The following MAGEB1 variants were observed in gnomAD, a reference collection of about 807,000 sequenced individuals.
MAGEB1 encodes MAGE family member B1.
For missense variants in MAGEB1, 290 were observed against 286.7 expected, an observed-to-expected ratio of 1.01 and a Z score of -0.08; for synonymous variants, 99 against 105.7, an observed-to-expected ratio of 0.94 and a Z score of 0.39.
Position 30,251,716 on chromosome X carries a change from T to C in MAGEB1, c.*179T>C. On this transcript the variant is annotated 3_prime_UTR_variant, in exon 2 of 2. Coordinates refer to ENST00000397548, the MANE Select transcript of MAGEB1 (RefSeq NM_177404.3). ...AATGTTTATTTAGAGTTGGGATCTA[T>C]GTCTATGAGCGACATGGATCACACA... 2.3e-6 allele frequency: 1 copy of C among 430,157 alleles called. No homozygotes were observed. The highest frequency in any genetic ancestry group is 4.0e-6 in the Non-Finnish European group (1 of 249,649). The allele number at this position is 430,157 out of a possible 1,213,427, so 35.4% of individuals were successfully genotyped here.
At chrX:30,249,276 G>C (rs1013418058) in intron 1 of MAGEB1, among the ~76,000 whole-genome samples, 9 of 111,210 alleles carry the variant, frequency 8.1e-5, no homozygotes, top group African/African-American at 2.9e-4. Flanking sequence ...GGGACTATGA[G>C]GCAATGAGAA....
chrX:30,245,325 T>TA (rs1450831678), upstream of MAGEB1, among the ~76,000 whole-genome samples: 1 of 112,381 alleles, frequency 8.9e-6, no homozygotes, highest in Admixed American at 9.4e-5. Flanking sequence ...GTAGTTGAAA[T>TA]AATCTTAGTA....
chrX:30,247,031 C>T (rs1925331813), upstream of MAGEB1: 2 of 111,533 alleles, frequency 1.8e-5, no homozygotes, highest in African/African-American at 6.5e-5. Flanking sequence ...CTGCTAGATA[C>T]TAAGGTGAGG....
chrX:30,248,844 C>G (rs1267971154), intron 1 of MAGEB1, among the ~76,000 whole-genome samples: 1 of 111,903 alleles, frequency 8.9e-6, no homozygotes, highest in Non-Finnish European at 1.9e-5. Context: ...GGAATTCCTT[C>G]CTGATTTTCA....
At position 30,251,533 on chromosome X, in the gene MAGEB1, T is replaced by C. The variant is rs752029457; in HGVS notation, c.1040T>C (p.Met347Thr). The stretch of plus-strand genomic sequence containing the variant: ...CCATTCAGCAGGTCCTCCCACCCCA[T>C]GTGAGAACTCAGGCAGATTGTTCAC... Reference protein sequence around the residue: ...RAPFSRSSHPM With the variant: ...RAPFSRSSHPT The change falls in exon 2 of 2, where the codon ATG becomes ACG. Residue 347 changes from methionine to threonine, a missense_variant. Met to Thr is a moderately conservative substitution (Grantham distance 81). Coordinates refer to ENST00000397548, the MANE Select transcript of MAGEB1 (RefSeq NM_177404.3). The C allele has an allele frequency of 2.4e-5, 29 of 1,196,939 alleles. No individual in the cohort carries two copies. In the Admixed American group the frequency reaches 3.6e-4, roughly 15 times the overall value.
chrX:30,249,586 A>G (rs1925436069), intron 1 of MAGEB1, among the ~76,000 whole-genome samples: 1 of 111,921 alleles, frequency 8.9e-6, no homozygotes, highest in Admixed American at 9.4e-5. Context: ...GAGTGGGGCT[A>G]CACATCACAG....
Position 30,250,441 on chromosome X carries a change from A to T in MAGEB1, c.-53A>T. 1 of 1,031,307 alleles carries T rather than the reference A, an allele frequency of 9.7e-7. No homozygotes were observed. Among genetic ancestry groups the T allele is most frequent in the Non-Finnish European group, 1.3e-6 (1 of 765,866 alleles). 85.0% of individuals were successfully genotyped at this position (1,031,307 alleles called of 1,213,427 possible). ...TCATTCTCTCTCCTTCAGGTGCCAC[A>T]TCTCCTGCCTTTCTGCTCACTTTCC... On this transcript the variant is annotated 5_prime_UTR_variant, in exon 2 of 2. Transcript: ENST00000397548.
chrX:30,250,362 G>A (rs1416166456), intron 1 of MAGEB1, 72 bp from the exon 2 acceptor site: 2 of 535,467 alleles, frequency 3.7e-6, no homozygotes, highest in Non-Finnish European at 5.9e-6. Flanking sequence ...ACCAGCAGAA[G>A]TGGCTCTCTA....
At chrX:30,247,941 C>T (rs1925380927) in intron 1 of MAGEB1, among the ~76,000 whole-genome samples, 1 of 26,147 alleles carries the variant, frequency 3.8e-5, no homozygotes, top group African/African-American at 9.9e-5. Context: ...GAGACTCAGT[C>T]TCAAGAAAAA....
rs372441522 is a variant in MAGEB1, at chrX:30,250,790, C to T, written c.297C>T (p.Ser99=). Residue 99 remains serine, a synonymous_variant, in exon 2 of 2, where the codon TCC becomes TCT. Transcript: ENST00000397548. ...ENASFSQATT[S]TESSVKDPVA... ...CAAGTTTCTCCCAGGCCACAACATCCACTGAGAGCTCAGTCAAAGATCCTG... is the reference window on the plus strand; with the variant it reads ...CAAGTTTCTCCCAGGCCACAACATCTACTGAGAGCTCAGTCAAAGATCCTG... The T allele has an allele frequency of 1.5e-4, 179 of 1,210,357 alleles. 1 individual carries two copies. The highest frequency in any genetic ancestry group is 1.9e-4 in the Non-Finnish European group (171 of 895,118).
Position 30,251,807 on chromosome X carries a change from CTT to C in MAGEB1, c.*275_*276del, listed in dbSNP as rs1233933118. The C allele has an allele frequency of 3.5e-6, 1 of 287,885 alleles. No homozygotes were observed. The highest frequency in any genetic ancestry group is 2.8e-5 in the African/African-American group (1 of 36,266). The allele number at this position is 287,885 out of a possible 1,213,427, so 23.7% of individuals were successfully genotyped here. On this transcript the variant is annotated 3_prime_UTR_variant, in exon 2 of 2. Transcript: ENST00000397548. ...TTCTATATTTTTCAAATCCTTGAAT[CTT>C]TTTTGGGTTGAAGAAGAAGAAAGCA...
In MAGEB1 at chrX:30,251,739, A is replaced by T. The variant is rs1925540899; in HGVS notation, c.*202A>T. The T allele has an allele frequency of 5.1e-6, 2 of 390,477 alleles. No individual in the cohort carries two copies. The highest frequency in any genetic ancestry group is 9.0e-6 in the Non-Finnish European group (2 of 223,325). 32.2% of individuals were successfully genotyped at this position (390,477 alleles called of 1,213,427 possible). ...TATGTCTATGAGCGACATGGATCAC[A>T]CATTTATTGGTGCTGCCAGCTTTAA... On this transcript the variant is annotated 3_prime_UTR_variant, in exon 2 of 2. Coordinates refer to ENST00000397548, the MANE Select transcript of MAGEB1 (RefSeq NM_177404.3).
rs749266394 is a variant in MAGEB1 at position 30,251,161 on chromosome X, T to C, written c.668T>C (p.Phe223Ser). Reference protein sequence around the residue: ...NSATEEEIWKFMNVLGAYDGE... With the variant: ...NSATEEEIWKSMNVLGAYDGE... The stretch of plus-strand genomic sequence containing the variant: ...GCCACCGAGGAAGAGATCTGGAAAT[T>C]CATGAATGTGTTGGGAGCCTATGAT... Residue 223 changes from phenylalanine to serine, a missense_variant, in exon 2 of 2, where the codon TTC becomes TCC. Physicochemically the swap from Phe to Ser is radical, Grantham distance 155. Coordinates refer to ENST00000397548, the MANE Select transcript of MAGEB1 (RefSeq NM_177404.3). 4 of 1,211,822 alleles carry C rather than the reference T, an allele frequency of 3.3e-6. No homozygotes were observed. The highest frequency in any genetic ancestry group is 2.2e-5 in the Admixed American group (1 of 46,093).
chrX:30,251,045 C>T lies in MAGEB1; in HGVS notation c.552C>T (p.Thr184=). ...CCCTCGTCAGTAAGCTAAACCTCAC[C>T]AATGATGGAAACCTGAGCAATGATT... The part of the protein sequence containing the change: ...TYTLVSKLNL[T]NDGNLSNDWD... The change falls in exon 2 of 2, where the codon ACC becomes ACT. Residue 184 remains threonine, a synonymous_variant. Transcript: ENST00000397548. 2 of 1,211,059 alleles carry T rather than the reference C, an allele frequency of 1.7e-6. No homozygotes were observed. The highest frequency in any genetic ancestry group is 2.2e-6 in the Non-Finnish European group (2 of 895,108).
chrX:30,250,161 A>G (rs1312627791), intron 1 of MAGEB1, among the ~76,000 whole-genome samples: 1 of 111,320 alleles, frequency 9.0e-6, no homozygotes, highest in Admixed American at 9.5e-5. Context: ...TTGAAGTGTC[A>G]GCTTCAGAGC....
At chrX:30,249,721 C>T (rs1341440575) in intron 1 of MAGEB1, among the ~76,000 whole-genome samples, 1 of 111,607 alleles carries the variant, frequency 9.0e-6, no homozygotes, top group African/African-American at 3.3e-5. Context: ...AGTAAATGTC[C>T]TCAGGTGTAG....
intron 1 of MAGEB1, among the ~76,000 whole-genome samples, chrX:30,247,631 G>A (rs1481309911): frequency 8.9e-6 from 1 of 112,144 alleles, no homozygotes; most frequent in Non-Finnish European, 1.9e-5. Flanking sequence ...GAAGGCTTTG[G>A]CCTAAGCCTT....
intron 1 of MAGEB1, among the ~76,000 whole-genome samples, chrX:30,248,237 G>A (rs896479020): frequency 8.9e-6 from 1 of 111,801 alleles, no homozygotes; most frequent in African/African-American, 3.3e-5. Context: ...GCAGGCTCAA[G>A]TACTCCCTGG....
In MAGEB1 at chrX:30,250,527, C is replaced by A. The variant is rs1925475764; in HGVS notation, c.34C>A (p.Arg12Ser). The A allele has an allele frequency of 8.3e-7, 1 of 1,202,082 alleles. No individual in the cohort carries two copies. Among genetic ancestry groups the A allele is most frequent in the Non-Finnish European group, 1.1e-6 (1 of 890,901 alleles). Reference sequence around the variant, plus strand: ...GGGTCAGAAGAGTAAGCTCCGTGCTCGTGAGAAACGCCGCAAGGCGCGAGA... The same window carrying A: ...GGGTCAGAAGAGTAAGCTCCGTGCTAGTGAGAAACGCCGCAAGGCGCGAGA... The part of the protein sequence containing the change: ...PRGQKSKLRA[R>S]EKRRKAREET... Residue 12 changes from arginine to serine, a missense_variant, in exon 2 of 2, where the codon CGT (arginine) becomes AGT (serine). Transcript: ENST00000397548.
Sources: gnomAD v4.1 joint callset for allele counts (sites outside exome capture counted in the v4.1 genomes callset) on GRCh38, gnomAD v4.1.1 for gene constraint, MANE v1.5 for transcripts, NCBI Gene and HGNC (gene_info 2026-07-23, HGNC 2026-07-21) for gene names.